The following VWF variants were observed in gnomAD, a reference collection of about 807,000 sequenced individuals.
The protein encoded by VWF is Factor VIII related antigen.
A neutral mutation model predicts 308.6 loss-of-function variants in VWF; 176 were observed. The ratio of observed to expected loss-of-function variants is 0.57; its 90% CI spans 0.50 to 0.65. The LOEUF is 0.65. VWF is among the 30% of genes least tolerant of loss of function. The pLI, the probability that VWF is intolerant of heterozygous loss-of-function variation, is 0.00. For missense variants in VWF, 3,146 were observed against 3,648.2 expected (o/e 0.86, Z 3.55); for synonymous variants, 1,385 against 1,443.4 (o/e 0.96, Z 0.92).
chr12:5,970,263 G>A lies in VWF; in HGVS notation c.7549-872C>T, dbSNP rs921904626. Among the ~76,000 whole-genome samples, 9 of 152,110 alleles carry A rather than the reference G, an allele frequency of 5.9e-5. No individual in the cohort carries two copies. The South Asian group carries it at 1.2e-3, about 21-fold the overall frequency. ...AGAGGACCCATTGCCACCACCCCCC[G>A]CTGACCCCTGACATGGTTCAGCAGC... is the stretch of plus-strand genomic sequence containing the variant. On this transcript the variant is annotated intron_variant, in intron 44 of 51. Coordinates refer to ENST00000261405, the MANE Select transcript of VWF (RefSeq NM_000552.5).
At chr12:6,004,790 G>C (rs1028720764) in intron 34 of VWF, among the ~76,000 whole-genome samples, 1 of 151,618 alleles carries the variant, frequency 6.6e-6, no homozygotes, top group African/African-American at 2.4e-5. Context: ...AGTAGTTAAA[G>C]AACATAATGG....
intron 13 of VWF, 60 bp downstream of exon 13, chr12:6,062,894 A>G (rs1944669783): frequency 1.4e-6 from 2 of 1,400,466 alleles, no homozygotes; most frequent in Non-Finnish European, 2.0e-6. Context: ...TACCCAGAGC[A>G]CAAGGGGTAC....
intron 16 of VWF, among the ~76,000 whole-genome samples, chr12:6,051,777 T>A (rs751379837): frequency 1.4e-4 from 22 of 151,974 alleles, no homozygotes; most frequent in Middle Eastern, 3.2e-3. Context: ...GGCCAACTAT[T>A]TTTTTTTCTT....
At chr12:6,000,491 G>A (rs900977230) in intron 34 of VWF, among the ~76,000 whole-genome samples, 2 of 152,170 alleles carry the variant, frequency 1.3e-5, no homozygotes, top group African/African-American at 2.4e-5. Context: ...ATGGAATTCT[G>A]TACACATAAG....
intron 43 of VWF, among the ~76,000 whole-genome samples, chr12:5,974,221 A>G (rs1943508271): frequency 7.9e-6 from 1 of 126,068 alleles, no homozygotes; most frequent in Non-Finnish European, 1.8e-5. Flanking sequence ...AACTTACTTA[A>G]GCTCCCACCT....
In VWF at chr12:6,109,257, GTA is replaced by G. The variant is rs774855903; in HGVS notation, c.532+1115_532+1116del. Among the ~76,000 whole-genome samples, 28 of 149,024 alleles carry G rather than the reference GTA, an allele frequency of 1.9e-4. No individual in the cohort carries two copies. In the East Asian group the frequency reaches 2.9e-3, roughly 16 times the overall value. ...GACACACAGACACACACACACACGT[GTA>G]TATATATACATATATATACACACAC... is the stretch of plus-strand genomic sequence containing the variant. On this transcript the variant is annotated intron_variant, in intron 5 of 51. Coordinates refer to ENST00000261405, the MANE Select transcript of VWF (RefSeq NM_000552.5).
chr12:6,003,514 A>G (rs1943894438), intron 34 of VWF, among the ~76,000 whole-genome samples: 1 of 148,166 alleles, frequency 6.7e-6, no homozygotes, highest in Non-Finnish European at 1.5e-5. Context: ...TTTCACTACA[A>G]AAAAAAAAAA....
rs71064189 is a variant in VWF at position 6,118,376 on chromosome 12, C to CTT, written c.220+2796_220+2797dup. Among the ~76,000 whole-genome samples the CTT allele has an allele frequency of 1.2e-3, 78 of 65,518 alleles. 6 individuals carry two copies. The highest frequency in any genetic ancestry group is 2.5e-3 in the African/African-American group (50 of 19,900). The allele number at this position is 65,518 out of a possible 152,430, so 43.0% of individuals were successfully genotyped here. Reference sequence around the variant, plus strand: ...CTCCATCAAAATCTTCCTCTGGTCACTTTTTTTTTTTTTTTTTTTTTTTTT... The same window carrying CTT: ...CTCCATCAAAATCTTCCTCTGGTCACTTTTTTTTTTTTTTTTTTTTTTTTTTT... On this transcript the variant is annotated intron_variant, in intron 3 of 51. Coordinates refer to ENST00000261405, the MANE Select transcript of VWF (RefSeq NM_000552.5).
chr12:6,055,442 G>C lies in VWF; in HGVS notation c.1945+1415C>G, dbSNP rs150539033. Among the ~76,000 whole-genome samples the C allele has an allele frequency of 1.5e-4, 23 of 152,294 alleles. No individual in the cohort carries two copies. The East Asian group carries it at 4.4e-3, about 29-fold the overall frequency. On this transcript the variant is annotated intron_variant, in intron 15 of 51. Coordinates refer to ENST00000261405, the MANE Select transcript of VWF (RefSeq NM_000552.5). Reference sequence around the variant, plus strand: ...CCCATAACTGGTACCTCACGGGAAAGTTGCCAGTAAGGACCCAGACCCAGT... The same window carrying C: ...CCCATAACTGGTACCTCACGGGAAACTTGCCAGTAAGGACCCAGACCCAGT...
chr12:5,995,883 C>T lies in VWF; in HGVS notation c.6063+119G>A. 12 of 940,160 alleles carry T rather than the reference C, an allele frequency of 1.3e-5. No homozygotes were observed. In the South Asian group the frequency reaches 1.4e-4, roughly 11 times the overall value. 58.2% of individuals were successfully genotyped at this position (940,160 alleles called of 1,614,324 possible). ...AAGAAAGTGGTACTCCTCTCCTCCA[C>T]TTAAGCAGAAGGCAGAGCTCCTAAC... On this transcript the variant is annotated intron_variant, in intron 35 of 51. Coordinates refer to ENST00000261405, the MANE Select transcript of VWF (RefSeq NM_000552.5).
Position 6,065,184 on chromosome 12 carries a change from G to T in VWF, c.1246C>A (p.Arg416=). The change falls in exon 11 of 52, where the codon CGG becomes AGG. Residue 416 remains arginine, a synonymous_variant. Coordinates refer to ENST00000261405, the MANE Select transcript of VWF (RefSeq NM_000552.5). ...FSGICQYLLA[R]DCQDHSFSIV... is the part of the protein sequence containing the mutation. ...GAGAAGGAGTGGTCCTGGCAATCCC[G>T]GGCCAGCAGGTACTGGCAGATCCCA... 6.2e-7 allele frequency: 1 copy of T among 1,614,136 alleles called. No homozygotes were observed.
At chr12:5,978,819 C>A (rs1943560959) in intron 42 of VWF, among the ~76,000 whole-genome samples, 1 of 152,178 alleles carries the variant, frequency 6.6e-6, no homozygotes, top group South Asian at 2.1e-4. Flanking sequence ...GATCATACCG[C>A]CTAAATACCA....
intron 5 of VWF, among the ~76,000 whole-genome samples, chr12:6,097,457 C>T (rs924502043): frequency 6.6e-6 from 1 of 151,884 alleles, no homozygotes; most frequent in Non-Finnish European, 1.5e-5. Context: ...CAAAACAAAA[C>T]AAAACAAAAC....
At chr12:5,995,100 A>G (rs1166635780) in intron 35 of VWF, among the ~76,000 whole-genome samples, 1 of 152,126 alleles carries the variant, frequency 6.6e-6, no homozygotes, top group Non-Finnish European at 1.5e-5. Flanking sequence ...GTGTTAATGC[A>G]TTGTATGTGT....
At position 6,031,439 on chromosome 12, in the gene VWF, C is replaced by CT; in HGVS notation, c.2820+4dup. 1 of 1,614,186 alleles carries CT rather than the reference C, an allele frequency of 6.2e-7. No individual in the cohort carries two copies. Among genetic ancestry groups the CT allele is most frequent in the Non-Finnish European group, 8.5e-7 (1 of 1,180,038 alleles). The stretch of plus-strand genomic sequence containing the variant: ...ACATGAGGGTGGAGATGAGGCTGCA[C>CT]TTACCTCCCCGTCAAACAGCTCAAT... On this transcript the variant is annotated splice_donor_region_variant and intron_variant, in intron 21 of 51. Transcript: ENST00000261405.
chr12:5,964,481 A>C (rs1013918019), intron 47 of VWF, among the ~76,000 whole-genome samples: 1 of 152,220 alleles, frequency 6.6e-6, no homozygotes, highest in African/African-American at 2.4e-5. Flanking sequence ...CTTTGTGAGA[A>C]ACCAACTCTG....
chr12:5,970,878 T>C (rs574013890), intron 44 of VWF, among the ~76,000 whole-genome samples: 111 of 152,366 alleles, frequency 7.3e-4, no homozygotes, highest in Middle Eastern at 3.4e-3. Flanking sequence ...CTTATCCTTC[T>C]GACCAGACTG....
In VWF at chr12:5,993,598, G is replaced by A. The variant is rs216898; in HGVS notation, c.6598+264C>T. Among the ~76,000 whole-genome samples, 86,896 of 150,592 alleles carry A rather than the reference G, an allele frequency of 0.58. 25,466 individuals are homozygous for A. Among genetic ancestry groups the A allele is most frequent in the East Asian group, 0.75 (3,820 of 5,098 alleles). Reference sequence around the variant, plus strand: ...GCATTAATTTACATAAAAATTCTACGTGCAGAGTGTATGTGTGTATATATA... The same window carrying A: ...GCATTAATTTACATAAAAATTCTACATGCAGAGTGTATGTGTGTATATATA... On this transcript the variant is annotated intron_variant, in intron 37 of 51. Transcript: ENST00000261405.
intron 3 of VWF, among the ~76,000 whole-genome samples, chr12:6,115,375 T>TA (rs568273563): frequency 9.2e-5 from 14 of 152,130 alleles, no homozygotes; most frequent in South Asian, 6.2e-4. Flanking sequence ...TCTAGGCCTA[T>TA]AATTCAGAAA....
Sources: gnomAD v4.1 joint callset for allele counts (sites outside exome capture counted in the v4.1 genomes callset) on GRCh38, gnomAD v4.1.1 for gene constraint, MANE v1.5 for transcripts, NCBI Gene and HGNC (gene_info 2026-07-23, HGNC 2026-07-21) for gene names.